Variants in ANXA13 observed in about 807,000 individuals in gnomAD.
The protein encoded by ANXA13 is annexin XIII.
Under a neutral mutation model 46.6 loss-of-function variants are expected in ANXA13, and 36 were observed. The ratio of observed to expected loss-of-function variants is 0.77; its 90% CI spans 0.59 to 1.02. ANXA13 has a LOEUF of 1.02. Ranked by LOEUF, ANXA13 falls within the 50% of genes least tolerant of loss-of-function variation. The probability of loss-of-function intolerance (pLI) is 0.00; values close to 1 mark genes in which losing one functional copy is unlikely to be tolerated. For missense variants in ANXA13, 417 were observed against 396.5 expected (o/e 1.05, Z -0.44); for synonymous variants, 163 against 152.9 (o/e 1.07, Z -0.49).
At chr8:123,693,553 T>C (rs1004797922) in intron 7 of ANXA13, among the ~76,000 whole-genome samples, 158 bp downstream of exon 7, 3 of 152,214 alleles carry the variant, frequency 2.0e-5, no homozygotes, top group African/African-American at 7.2e-5. Flanking sequence ...TTCATTTAGA[T>C]TCATGGAGAC....
Position 123,717,527 on chromosome 8 carries a change from T to C in ANXA13, c.16-4774A>G, listed in dbSNP as rs368314003. Among the ~76,000 whole-genome samples the C allele has an allele frequency of 1.1e-4, 17 of 152,368 alleles. No individual in the cohort carries two copies. The East Asian group carries it at 2.3e-3, about 21-fold the overall frequency. On this transcript the variant is annotated intron_variant, in intron 1 of 10. Coordinates refer to ENST00000419625, the MANE Select transcript of ANXA13 (RefSeq NM_004306.4). ...TTCACATATGTTGATCCCAGATGGA[T>C]AGATATCTTCCATACTTGTCAAATA... is the stretch of plus-strand genomic sequence containing the variant.
chr8:123,693,185 T>C lies in ANXA13; in HGVS notation c.642+12A>G. ...AGAGTGAACTCTTTTGCCCCAATAC[T>C]TTATGACTTACAATTTGATAGGCTT... On this transcript the variant is annotated intron_variant, in intron 8 of 10. Transcript: ENST00000419625. 1 of 1,612,498 alleles carries C rather than the reference T, an allele frequency of 6.2e-7. No homozygotes were observed. Among genetic ancestry groups the C allele is most frequent in the South Asian group, 1.1e-5 (1 of 91,020 alleles).
intron 2 of ANXA13, among the ~76,000 whole-genome samples, chr8:123,711,478 C>T (rs1254427532): frequency 6.6e-6 from 1 of 152,194 alleles, no homozygotes; most frequent in South Asian, 2.1e-4. Context: ...CACCCTGGTC[C>T]CTGGTCTACC....
chr8:123,689,541 T>C (rs1178800243), intron 8 of ANXA13, among the ~76,000 whole-genome samples: 8 of 152,202 alleles, frequency 5.3e-5, no homozygotes, highest in Admixed American at 3.3e-4. Flanking sequence ...CCGGGGGTGC[T>C]GACCACATCA....
At chr8:123,695,182 A>G (rs112368833) in intron 6 of ANXA13, among the ~76,000 whole-genome samples, 161 of 151,696 alleles carry the variant, frequency 1.1e-3, no homozygotes, top group African/African-American at 3.7e-3. Context: ...GGCTGCATGA[A>G]CCTGGGCAGG....
intron 6 of ANXA13, among the ~76,000 whole-genome samples, chr8:123,694,660 C>T (rs955749879): frequency 1.3e-5 from 2 of 152,140 alleles, no homozygotes; most frequent in East Asian, 1.9e-4. Flanking sequence ...CAGCCCTGGC[C>T]GACACCTTGA....
chr8:123,686,743 T>C (rs767573492), intron 9 of ANXA13, among the ~76,000 whole-genome samples: 54 of 152,240 alleles, frequency 3.5e-4, no homozygotes, highest in Non-Finnish European at 5.6e-4. Flanking sequence ...CTTTGAGAAA[T>C]GCTGCTCCAG....
chr8:123,698,967 G>A (rs1813394992), intron 3 of ANXA13, among the ~76,000 whole-genome samples: 1 of 152,170 alleles, frequency 6.6e-6, no homozygotes, highest in Non-Finnish European at 1.5e-5. Flanking sequence ...TTATCTCTAG[G>A]ACTGGAGAAT....
chr8:123,716,025 A>G (rs1467010803), intron 1 of ANXA13, among the ~76,000 whole-genome samples: 1 of 152,160 alleles, frequency 6.6e-6, no homozygotes, highest in Non-Finnish European at 1.5e-5. Flanking sequence ...GCAGCAGGAG[A>G]GTGTTGAGTC....
intron 6 of ANXA13, among the ~76,000 whole-genome samples, chr8:123,694,203 C>T (rs991715135): frequency 6.6e-6 from 1 of 152,156 alleles, no homozygotes; most frequent in Non-Finnish European, 1.5e-5. Context: ...TCTAAGATGA[C>T]CCAATGGTCC....
At chr8:123,693,111 T>C (rs1813269628) in intron 8 of ANXA13, 86 bp downstream of exon 8, 4 of 1,174,752 alleles carry the variant, frequency 3.4e-6, no homozygotes, top group Non-Finnish European at 3.8e-6. Flanking sequence ...GATCCCCAAT[T>C]CCTTATTGCA....
chr8:123,706,606 T>C (rs1478057928), intron 2 of ANXA13, among the ~76,000 whole-genome samples: 14 of 152,224 alleles, frequency 9.2e-5, no homozygotes, highest in Non-Finnish European at 1.5e-5. Context: ...GAACTATGGA[T>C]ACCACCCACA....
intron 2 of ANXA13, among the ~76,000 whole-genome samples, chr8:123,711,017 G>GA (rs3837192): frequency 0.14 from 21,995 of 152,128 alleles, 1,753 homozygotes; most frequent in Admixed American, 0.2. Flanking sequence ...GGATACAGGG[G>GA]AAAATCACAC....
chr8:123,684,635 A>G lies in ANXA13; in HGVS notation c.806T>C (p.Ile269Thr), dbSNP rs1813103495. 1 of 1,614,054 alleles carries G rather than the reference A, an allele frequency of 6.2e-7. No individual in the cohort carries two copies. Among genetic ancestry groups the G allele is most frequent in the East Asian group, 2.2e-5 (1 of 44,884 alleles). Reference sequence around the variant, plus strand: ...CTCGGCCCTGGTCACGACTATGCGAATCAACGTCTCCTCATCGGTCCCCGC... The same window carrying G: ...CTCGGCCCTGGTCACGACTATGCGAGTCAACGTCTCCTCATCGGTCCCCGC... Reference protein sequence around the residue: ...KGAGTDEETLIRIVVTRAEVD... With the variant: ...KGAGTDEETLTRIVVTRAEVD... The change falls in exon 10 of 11, where the codon ATT (isoleucine) becomes ACT (threonine). Residue 269 changes from isoleucine to threonine, a missense_variant. Ile to Thr is a moderately conservative substitution (Grantham distance 89). Coordinates refer to ENST00000419625, the MANE Select transcript of ANXA13 (RefSeq NM_004306.4).
At chr8:123,695,901 G>A (rs922777502) in intron 4 of ANXA13, among the ~76,000 whole-genome samples, 180 bp from the exon 5 acceptor site, 1 of 145,972 alleles carries the variant, frequency 6.9e-6, no homozygotes, top group South Asian at 2.2e-4. Flanking sequence ...GAGATGTGAC[G>A]GCCCGCCCCC....
chr8:123,700,957 G>A (rs938935163), intron 3 of ANXA13, among the ~76,000 whole-genome samples: 6 of 151,998 alleles, frequency 3.9e-5, no homozygotes, highest in African/African-American at 1.4e-4. Flanking sequence ...TGAGTAGCAG[G>A]GACTACAGGC....
chr8:123,729,426 C>A (rs1563620735), intron 1 of ANXA13, among the ~76,000 whole-genome samples: 2 of 152,184 alleles, frequency 1.3e-5, no homozygotes, highest in South Asian at 4.1e-4. Flanking sequence ...TTCCTCTTTG[C>A]CAGTCTTGGG....
chr8:123,709,516 C>T (rs1277229067), intron 2 of ANXA13, among the ~76,000 whole-genome samples: 1 of 151,952 alleles, frequency 6.6e-6, no homozygotes, highest in African/African-American at 2.4e-5. Context: ...GCATTGATGC[C>T]TGAGGTTGCA....
At chr8:123,684,496 C>A in intron 10 of ANXA13, 114 bp downstream of exon 10, 1 of 694,014 alleles carries the variant, frequency 1.4e-6, no homozygotes, top group South Asian at 1.8e-5. Flanking sequence ...AAGGGGCCGT[C>A]TCTGTTTTAC....
Sources: allele counts gnomAD v4.1 joint callset (sites outside exome capture counted in the v4.1 genomes callset), GRCh38; gene constraint gnomAD v4.1.1; transcripts MANE v1.5; gene names NCBI Gene and HGNC (gene_info 2026-07-23, HGNC 2026-07-21).